ARFGEF1: variants seen among roughly 807,000 people sequenced by gnomAD.
ARFGEF1 encodes the protein brefeldin A-inhibited guanine nucleotide-exchange protein 1.
ARFGEF1 carries 42 observed loss-of-function variants against 231.0 expected under a neutral mutation model. The observed-to-expected ratio is 0.18, with a 90% confidence interval of 0.14 to 0.24. The LOEUF is 0.24. Ranked by LOEUF, ARFGEF1 falls within the 10% of genes least tolerant of loss-of-function variation. ARFGEF1 has a pLI of 1.00. For synonymous variants in ARFGEF1, 710 were observed against 732.3 expected, an observed-to-expected ratio of 0.97 and a Z score of 0.49; for missense variants, 1,345 against 2,192.0, an observed-to-expected ratio of 0.61 and a Z score of 7.72.
At chr8:67,337,141 A>G (rs1338346767) in intron 1 of ARFGEF1, among the ~76,000 whole-genome samples, 1 of 151,732 alleles carries the variant, frequency 6.6e-6, no homozygotes, top group Non-Finnish European at 1.5e-5. Context: ...AAAAAAAAAA[A>G]AAAAAAAAAA....
intron 14 of ARFGEF1, among the ~76,000 whole-genome samples, chr8:67,264,841 C>A (rs1432020676): frequency 6.6e-6 from 1 of 152,140 alleles, no homozygotes; most frequent in Non-Finnish European, 1.5e-5. Flanking sequence ...TTACTCTGTA[C>A]GACACTCTTT....
intron 2 of ARFGEF1, 103 bp from the exon 3 acceptor site, chr8:67,301,483 A>G (rs554927264): frequency 6.0e-5 from 75 of 1,251,426 alleles, no homozygotes; most frequent in Non-Finnish European, 8.0e-5. Context: ...GAATCTTGCT[A>G]AACCAGTCCT....
downstream of ARFGEF1, among the ~76,000 whole-genome samples, chr8:67,194,610 AT>A (rs1290559653): frequency 1.3e-5 from 2 of 152,056 alleles, no homozygotes; most frequent in Non-Finnish European, 2.9e-5. Flanking sequence ...GTTTTTTAAC[AT>A]TGTCCTTTCA....
At chr8:67,271,622 T>C (rs577871423) in intron 10 of ARFGEF1, 80 bp downstream of exon 10, 36 of 1,011,268 alleles carry the variant, frequency 3.6e-5, no homozygotes, top group African/African-American at 1.1e-4. Context: ...CTGGAGAACT[T>C]TGCAGTGTAT....
At chr8:67,265,444 A>T (rs1417001526) in intron 14 of ARFGEF1, among the ~76,000 whole-genome samples, 4 of 152,182 alleles carry the variant, frequency 2.6e-5, no homozygotes. Context: ...GGAAGGCAGC[A>T]TGGTGACATT....
At chr8:67,276,180 G>A in intron 8 of ARFGEF1, 71 bp from the exon 9 acceptor site, 1 of 1,528,132 alleles carries the variant, frequency 6.5e-7, no homozygotes, top group Non-Finnish European at 8.9e-7. Context: ...GCCTTCTACT[G>A]TATTTCATTC....
intron 18 of ARFGEF1, among the ~76,000 whole-genome samples, chr8:67,252,562 T>G (rs1208083415): frequency 2.6e-5 from 4 of 152,184 alleles, no homozygotes; most frequent in African/African-American, 9.7e-5. Context: ...CTGTTTAAAC[T>G]TGAGATTTTA....
chr8:67,206,723 C>T lies in ARFGEF1; in HGVS notation c.4820-1904G>A, dbSNP rs1401307789. On this transcript the variant is annotated intron_variant, in intron 34 of 38. Coordinates refer to ENST00000262215, the MANE Select transcript of ARFGEF1 (RefSeq NM_006421.5). ...CGCAGCCCAGGGGACCCAGACCACACGGCCACGCCTCCATCTCAGATTCTC... is the reference window on the plus strand; with the variant it reads ...CGCAGCCCAGGGGACCCAGACCACATGGCCACGCCTCCATCTCAGATTCTC... Among the ~76,000 whole-genome samples the T allele has an allele frequency of 3.3e-5, 5 of 152,202 alleles. No homozygotes were observed. In the East Asian group the frequency reaches 9.6e-4, roughly 29 times the overall value.
At chr8:67,303,733 A>T (rs1806608693) in intron 1 of ARFGEF1, among the ~76,000 whole-genome samples, 1 of 151,698 alleles carries the variant, frequency 6.6e-6, no homozygotes, top group Non-Finnish European at 1.5e-5. Context: ...AAAAAAAATA[A>T]TAATTAATTA....
intron 1 of ARFGEF1, among the ~76,000 whole-genome samples, chr8:67,309,562 G>A (rs951052481): frequency 6.6e-6 from 1 of 152,164 alleles, no homozygotes; most frequent in Non-Finnish European, 1.5e-5. Flanking sequence ...GGGGCAGAAA[G>A]TGACACTGTT....
chr8:67,269,843 T>G (rs937281880), intron 10 of ARFGEF1, among the ~76,000 whole-genome samples: 3 of 152,086 alleles, frequency 2.0e-5, no homozygotes, highest in Non-Finnish European at 2.9e-5. Flanking sequence ...TTTCTTAAAG[T>G]TTTTCCTTTC....
chr8:67,254,900 T>TAA (rs879816603), intron 17 of ARFGEF1, among the ~76,000 whole-genome samples: 1 of 141,912 alleles, frequency 7.0e-6, no homozygotes, highest in Non-Finnish European at 1.5e-5. Flanking sequence ...GTCATGGCAC[T>TAA]AAAAAAAAAA....
chr8:67,218,025 C>T lies in ARFGEF1; in HGVS notation c.4452G>A (p.Gln1484=), dbSNP rs1838997319. 1 of 1,610,690 alleles carries T rather than the reference C, an allele frequency of 6.2e-7. No homozygotes were observed. The highest frequency in any genetic ancestry group is 1.3e-5 in the African/African-American group (1 of 74,688). The change falls in exon 31 of 39, where the codon CAG becomes CAA. Residue 1484 remains glutamine, a synonymous_variant. Coordinates refer to ENST00000262215, the MANE Select transcript of ARFGEF1 (RefSeq NM_006421.5). ...TACCTTGCTGCACACACCAGTAGAG[C>T]TGAGCAAAAATGTCATCCAAAAGTA... is the stretch of plus-strand genomic sequence containing the variant. The part of the protein sequence containing the change: ...SDVLLDDIFA[Q]LYWCVQQDNE...
At chr8:67,260,687 C>T (rs1178340011) in intron 14 of ARFGEF1, among the ~76,000 whole-genome samples, 1 of 152,018 alleles carries the variant, frequency 6.6e-6, no homozygotes, top group Non-Finnish European at 1.5e-5. Flanking sequence ...AATAAGTGTT[C>T]AAGTGGAAGG....
At chr8:67,334,202 T>C (rs1352340372) in intron 1 of ARFGEF1, among the ~76,000 whole-genome samples, 1 of 149,816 alleles carries the variant, frequency 6.7e-6, no homozygotes, top group African/African-American at 2.5e-5. Flanking sequence ...AAGGTGGATG[T>C]GAAACATTAG....
At chr8:67,175,532 T>C (rs1374575108) in exon 6 of ARFGEF1, 6 of 1,415,902 alleles carry the variant, frequency 4.2e-6, no homozygotes, top group African/African-American at 2.8e-5. Flanking sequence ...CCAGGCATCC[T>C]CCTTTCACTG....
chr8:67,231,001 A>T (rs1282584403), intron 23 of ARFGEF1, among the ~76,000 whole-genome samples: 5 of 152,114 alleles, frequency 3.3e-5, no homozygotes, highest in Admixed American at 6.6e-5. Context: ...ACATACAAAA[A>T]TTTTTTTCTT....
downstream of ARFGEF1, chr8:67,193,729 C>T: frequency 1.4e-6 from 1 of 709,808 alleles, no homozygotes; most frequent in Non-Finnish European, 2.2e-6. Context: ...GTTGTATGGC[C>T]CAAGACATAG....
chr8:67,222,661 G>A (rs557842191), intron 29 of ARFGEF1, among the ~76,000 whole-genome samples: 1 of 152,204 alleles, frequency 6.6e-6, no homozygotes, highest in Non-Finnish European at 1.5e-5. Context: ...ACGTTGTCCA[G>A]GATGGTCTTG....
Sources: gnomAD v4.1 joint callset for allele counts (sites outside exome capture counted in the v4.1 genomes callset) on GRCh38, gnomAD v4.1.1 for gene constraint, MANE v1.5 for transcripts, NCBI Gene and HGNC (gene_info 2026-07-23, HGNC 2026-07-21) for gene names.